Variants in ANKRD44 observed in about 807,000 individuals in gnomAD.
ANKRD44 encodes the protein ankyrin repeat domain 44.
Under a neutral mutation model 116.0 loss-of-function variants are expected in ANKRD44, and 35 were observed. The observed-to-expected ratio is 0.30, with a 90% confidence interval of 0.23 to 0.40. The LOEUF (loss-of-function observed/expected upper bound fraction) is 0.40. ANKRD44 is among the 10% of genes least tolerant of loss of function. ANKRD44 has a pLI of 1.00. For synonymous variants in ANKRD44, 435 were observed against 461.8 expected, an observed-to-expected ratio of 0.94 and a Z score of 0.74; for missense variants, 1,014 against 1,242.6, an observed-to-expected ratio of 0.82 and a Z score of 2.77.
chr2:196,990,025 T>G, intron 27 of ANKRD44: 1 of 1,044,064 alleles, frequency 9.6e-7, no homozygotes, highest in South Asian at 3.4e-5. Context: ...AGGCTTGTTA[T>G]AGGGAACACT....
intron 1 of ANKRD44, among the ~76,000 whole-genome samples, chr2:197,255,024 G>A (rs866566655): frequency 2.0e-4 from 31 of 152,188 alleles, no homozygotes; most frequent in African/African-American, 6.5e-4. Flanking sequence ...AACCAGAGAA[G>A]TATTCAGCTC....
chr2:197,123,702 A>G (rs2078911538), intron 6 of ANKRD44, among the ~76,000 whole-genome samples: 2 of 152,236 alleles, frequency 1.3e-5, no homozygotes, highest in Non-Finnish European at 2.9e-5. Context: ...AGATTGTTCA[A>G]TGCTTCAGGA....
At chr2:197,122,975 TA>T (rs1310672194) in intron 6 of ANKRD44, among the ~76,000 whole-genome samples, 183 bp from the exon 7 acceptor site, 4 of 152,352 alleles carry the variant, frequency 2.6e-5, no homozygotes, top group African/African-American at 9.6e-5. Context: ...TAGTCAGGCA[TA>T]ATGTAAAAGC....
intron 2 of ANKRD44, among the ~76,000 whole-genome samples, chr2:197,169,516 A>G (rs2080176055): frequency 6.6e-6 from 1 of 152,186 alleles, no homozygotes; most frequent in South Asian, 2.1e-4. Flanking sequence ...ATGTTGAGTG[A>G]ATAAATTTAC....
At chr2:197,086,321 T>A (rs538689965) in intron 13 of ANKRD44, among the ~76,000 whole-genome samples, 24 of 152,286 alleles carry the variant, frequency 1.6e-4, no homozygotes, top group Non-Finnish European at 3.4e-4. Flanking sequence ...CAAGATGAAA[T>A]GTTCAATACA....
chr2:197,230,310 T>G (rs757770057), intron 1 of ANKRD44, among the ~76,000 whole-genome samples: 38 of 152,248 alleles, frequency 2.5e-4, no homozygotes, highest in Non-Finnish European at 5.1e-4. Flanking sequence ...GGAATACAGC[T>G]ACTATGAACT....
Position 196,998,460 on chromosome 2 carries a change from C to T in ANKRD44, c.2666-41G>A, listed in dbSNP as rs2290093. On this transcript the variant is annotated intron_variant, in intron 24 of 27. Coordinates refer to ENST00000282272, the MANE Select transcript of ANKRD44 (RefSeq NM_001195144.2). ...AAAAGAGGGTTACTTAGATGAGATG[C>T]TAATTACATGCATTTTGAAGAAGTT... 1.6e-3 allele frequency: 2,254 copies of T among 1,409,340 alleles called. 27 individuals are homozygous for T. The East Asian group carries it at 0.022, about 14-fold the overall frequency. The allele number at this position is 1,409,340 out of a possible 1,614,324, so 87.3% of individuals were successfully genotyped here. A position where few individuals can be genotyped will look rare whatever the true frequency, so the allele number is the denominator to read the frequency against.
At chr2:197,009,744 A>G (rs73049606) in intron 18 of ANKRD44, among the ~76,000 whole-genome samples, 6,190 of 152,194 alleles carry the variant, frequency 0.041, 396 homozygotes, top group African/African-American at 0.14. Flanking sequence ...CTTCCAGCTC[A>G]AGGTAGTTTC....
intron 2 of ANKRD44, among the ~76,000 whole-genome samples, chr2:197,158,353 T>A (rs1221450652): frequency 6.6e-6 from 1 of 152,234 alleles, no homozygotes; most frequent in African/African-American, 2.4e-5. Flanking sequence ...GCTAAGTGTA[T>A]TTAAGGAAAC....
rs1192112297 is a variant in ANKRD44 at position 197,203,424 on chromosome 2, AAAAC to A, written c.28-16322_28-16319del. ...TTCACACACACTAGATGGCTAAAAC[AAAAC>A]AAACAAACGAAACCCAGAAAACAGT... On this transcript the variant is annotated intron_variant, in intron 1 of 27. Coordinates refer to ENST00000282272, the MANE Select transcript of ANKRD44 (RefSeq NM_001195144.2). The surrounding 1 kb of genome is among the most constrained non-coding windows in gnomAD (Gnocchi z 4.1). Among the ~76,000 whole-genome samples, 7 of 152,218 alleles carry A rather than the reference AAAAC, an allele frequency of 4.6e-5. No individual in the cohort carries two copies. The highest frequency in any genetic ancestry group is 4.6e-4 in the Admixed American group (7 of 15,278).
At chr2:197,176,855 G>A (rs1436707265) in intron 2 of ANKRD44, among the ~76,000 whole-genome samples, 1 of 151,932 alleles carries the variant, frequency 6.6e-6, no homozygotes, top group Admixed American at 6.6e-5. Flanking sequence ...CAACCCCCTA[G>A]GCTTCTTACC....
chr2:196,986,561 G>T, downstream of ANKRD44: 1 of 343,802 alleles, frequency 2.9e-6, no homozygotes, highest in Non-Finnish European at 4.1e-6. Context: ...CTTTTATCTT[G>T]ATTATTTTCT....
chr2:197,095,357 T>A (rs904650713), intron 10 of ANKRD44, among the ~76,000 whole-genome samples: 4 of 152,204 alleles, frequency 2.6e-5, no homozygotes, highest in Non-Finnish European at 4.4e-5. Flanking sequence ...AGGCTGAACC[T>A]AGGGAGGGCC....
At chr2:197,243,938 G>T (rs1467651976) in intron 1 of ANKRD44, among the ~76,000 whole-genome samples, 4 of 152,160 alleles carry the variant, frequency 2.6e-5, no homozygotes, top group Non-Finnish European at 5.9e-5. Context: ...CATATGTGTG[G>T]GCTCCAATCA....
At position 196,987,810 on chromosome 2, in the gene ANKRD44, A is replaced by G. The variant is rs1403163111; in HGVS notation, c.*1781T>C. Reference sequence around the variant, plus strand: ...GTCTAAAAATAACACAAATAAAAGCACTAAGCAACTAAGACTCAGTTAAAA... The same window carrying G: ...GTCTAAAAATAACACAAATAAAAGCGCTAAGCAACTAAGACTCAGTTAAAA... On this transcript the variant is annotated 3_prime_UTR_variant, in exon 28 of 28. Transcript: ENST00000282272. 1.0e-6 allele frequency: 1 copy of G among 985,184 alleles called. No homozygotes were observed. The allele number at this position is 985,184 out of a possible 1,614,324, so 61.0% of individuals were successfully genotyped here.
At chr2:196,978,547 G>A (rs914113253) in intron 21 of ANKRD44, among the ~76,000 whole-genome samples, 5 of 152,190 alleles carry the variant, frequency 3.3e-5, no homozygotes, top group African/African-American at 4.8e-5. Context: ...TACATGAAAT[G>A]TCTAGAATTG....
At chr2:197,081,552 C>T (rs1472045699) in intron 15 of ANKRD44, 93 bp downstream of exon 15, 1 of 1,145,698 alleles carries the variant, frequency 8.7e-7, no homozygotes, top group South Asian at 1.3e-5. Flanking sequence ...CCAAGTGAAA[C>T]CCCAAAATAG....
chr2:197,279,424 A>T (rs1161495493), intron 1 of ANKRD44, among the ~76,000 whole-genome samples: 1 of 152,118 alleles, frequency 6.6e-6, no homozygotes, highest in Non-Finnish European at 1.5e-5. Flanking sequence ...CCTCTGATCA[A>T]AAGTCGTCAT....
At chr2:197,155,102 C>A (rs1204202882) in intron 2 of ANKRD44, among the ~76,000 whole-genome samples, 1 of 152,140 alleles carries the variant, frequency 6.6e-6, no homozygotes, top group East Asian at 1.9e-4. Flanking sequence ...CATAACTAGA[C>A]ACTGGATATT....
Sources: allele counts gnomAD v4.1 joint callset (sites outside exome capture counted in the v4.1 genomes callset), GRCh38; gene constraint gnomAD v4.1.1; non-coding constraint Gnocchi (gnomAD v3.1); transcripts MANE v1.5; gene names NCBI Gene and HGNC (gene_info 2026-07-23, HGNC 2026-07-21).